DTNA: variants seen among roughly 807,000 people sequenced by gnomAD.
DTNA encodes dystrobrevin alpha.
Under a neutral mutation model 100.7 loss-of-function variants are expected in DTNA, and 43 were observed. The observed-to-expected ratio is 0.43, with a 90% CI of 0.33 to 0.55. The LOEUF (loss-of-function observed/expected upper bound fraction) is 0.55, where lower values mean the gene tolerates loss of function less well. DTNA is among the 20% of genes least tolerant of loss of function. The probability of loss-of-function intolerance (pLI) is 0.04; values close to 1 mark genes in which losing one functional copy is unlikely to be tolerated. For synonymous variants in DTNA, 349 were observed against 347.9 expected, an observed-to-expected ratio of 1.00 and a Z score of -0.04; for missense variants, 798 against 953.9, an observed-to-expected ratio of 0.84 and a Z score of 2.15.
At position 34,586,761 on chromosome 18, in the gene DTNA, C is replaced by T. The variant is rs935805081; in HGVS notation, c.-2+93247C>T. Among the ~76,000 whole-genome samples, 13 of 152,216 alleles carry T rather than the reference C, an allele frequency of 8.5e-5. 1 individual carries two copies. The highest frequency in any genetic ancestry group is 3.4e-3 in the Middle Eastern group (1 of 294). On this transcript the variant is annotated intron_variant, in intron 1 of 19. Coordinates refer to the DTNA transcript ENST00000283365. ...CCAAATTTTACCCTCACTTCTTAAGCAGTATCACATACAGTATATGCTGGC... is the reference window on the plus strand; with the variant it reads ...CCAAATTTTACCCTCACTTCTTAAGTAGTATCACATACAGTATATGCTGGC...
At chr18:34,529,585 C>T (rs184317445) in intron 1 of DTNA, among the ~76,000 whole-genome samples, 22 of 152,178 alleles carry the variant, frequency 1.4e-4, no homozygotes, top group Admixed American at 7.2e-4. Context: ...AGCAGAAGGC[C>T]GACTGCTACT....
intron 1 of DTNA, among the ~76,000 whole-genome samples, chr18:34,567,217 A>T (rs1179126874): frequency 6.6e-6 from 1 of 152,112 alleles, no homozygotes; most frequent in African/African-American, 2.4e-5. Context: ...GGCATTTTAG[A>T]TGTCTTTATT....
At chr18:34,728,970 G>A (rs563390033) in intron 1 of DTNA, among the ~76,000 whole-genome samples, 2 of 152,182 alleles carry the variant, frequency 1.3e-5, no homozygotes, top group African/African-American at 4.8e-5. Context: ...TCTGACACCC[G>A]GGGTCCCTTC....
chr18:34,802,917 C>A (rs1395242217), intron 4 of DTNA, among the ~76,000 whole-genome samples: 1 of 151,968 alleles, frequency 6.6e-6, no homozygotes, highest in East Asian at 1.9e-4. Context: ...TTTAAAGGCC[C>A]CCTCTTTAAA....
chr18:34,532,215 A>G (rs976184526), intron 1 of DTNA, among the ~76,000 whole-genome samples: 5 of 152,138 alleles, frequency 3.3e-5, no homozygotes, highest in African/African-American at 1.2e-4. Context: ...AAGATGACAT[A>G]AGTTAATTCT....
intron 1 of DTNA, among the ~76,000 whole-genome samples, chr18:34,543,582 G>A (rs2044466062): frequency 6.6e-6 from 1 of 152,126 alleles, no homozygotes; most frequent in African/African-American, 2.4e-5. Context: ...TGAGAATACT[G>A]CCTGTTGCCC....
At chr18:34,732,428 C>T (rs1460638376) in intron 1 of DTNA, among the ~76,000 whole-genome samples, 1 of 152,206 alleles carries the variant, frequency 6.6e-6, no homozygotes, top group East Asian at 1.9e-4. Flanking sequence ...TTTGCAGTCA[C>T]CTTCCTCTGC....
intron 13 of DTNA, among the ~76,000 whole-genome samples, chr18:34,846,666 A>T (rs1334637540): frequency 6.6e-6 from 1 of 151,738 alleles, no homozygotes; most frequent in Non-Finnish European, 1.5e-5. Flanking sequence ...AATGACCAGA[A>T]AAAAAAAACA....
chr18:34,889,727 A>T lies in DTNA; in HGVS notation c.*1993A>T. ...TTGGCATTAGTGAGAAGCCCATCCT[A>T]TCCCTTGACATACTTAATCATATAT... On this transcript the variant is annotated 3_prime_UTR_variant, in exon 23 of 23. Coordinates refer to ENST00000444659, the MANE Select transcript of DTNA (RefSeq NM_001386795.1). The T allele has an allele frequency of 1.0e-6, 1 of 986,018 alleles. No homozygotes were observed. The highest frequency in any genetic ancestry group is 1.1e-4 in the East Asian group (1 of 8,816). The allele number at this position is 986,018 out of a possible 1,614,324, so 61.1% of individuals were successfully genotyped here. A position where few individuals can be genotyped will look rare whatever the true frequency, so the allele number is the denominator to read the frequency against.
At chr18:34,851,967 T>C in intron 15 of DTNA, 39 bp downstream of exon 15, 1 of 1,595,004 alleles carries the variant, frequency 6.3e-7, no homozygotes, top group South Asian at 1.1e-5. Flanking sequence ...TTGATCAATG[T>C]GCGCATTCCT....
intron 1 of DTNA, among the ~76,000 whole-genome samples, chr18:34,495,710 T>C (rs1468784377): frequency 6.6e-6 from 1 of 152,226 alleles, no homozygotes; most frequent in Non-Finnish European, 1.5e-5. Flanking sequence ...GTATGTACTT[T>C]ATACAGAATT....
Position 34,765,545 on chromosome 18 carries a change from A to T in DTNA, c.68-416A>T, listed in dbSNP as rs574198702. Among the ~76,000 whole-genome samples, 3 of 152,350 alleles carry T rather than the reference A, an allele frequency of 2.0e-5. No homozygotes were observed. The South Asian group carries it at 6.2e-4, about 32-fold the overall frequency. ...AGGGCACACAGAGAAGATGCTCAGC[A>T]GTCAGTACATGGTCACCTAACAGCC... On this transcript the variant is annotated intron_variant, in intron 2 of 22. Transcript: ENST00000444659.
chr18:34,766,581 G>A (rs2093484491), intron 3 of DTNA, among the ~76,000 whole-genome samples: 1 of 152,092 alleles, frequency 6.6e-6, no homozygotes, highest in Non-Finnish European at 1.5e-5. Context: ...TAAATGACGA[G>A]TTAATGGGTG....
intron 1 of DTNA, among the ~76,000 whole-genome samples, chr18:34,677,055 G>C (rs529583294): frequency 6.6e-6 from 1 of 152,252 alleles, no homozygotes; most frequent in African/African-American, 2.4e-5. Context: ...TTGCCATGCA[G>C]GATAGAAGCC....
At chr18:34,746,405 G>A (rs1568390301) in intron 1 of DTNA, among the ~76,000 whole-genome samples, 1 of 152,082 alleles carries the variant, frequency 6.6e-6, no homozygotes, top group Admixed American at 6.6e-5. Flanking sequence ...ACAGCAGGAG[G>A]ACAAGAAAGC....
At chr18:34,621,932 A>G (rs2056578612) in intron 1 of DTNA, among the ~76,000 whole-genome samples, 2 of 152,314 alleles carry the variant, frequency 1.3e-5, no homozygotes, top group African/African-American at 4.8e-5. Context: ...TATACGATTT[A>G]TATTTGTCAA....
chr18:34,881,859 A>G (rs1409660125), intron 20 of DTNA, among the ~76,000 whole-genome samples: 1 of 152,058 alleles, frequency 6.6e-6, no homozygotes, highest in Non-Finnish European at 1.5e-5. Context: ...CCATAAAAAA[A>G]TTGTGTATGA....
intron 1 of DTNA, among the ~76,000 whole-genome samples, chr18:34,559,519 C>G (rs912598889): frequency 1.3e-5 from 2 of 152,174 alleles, no homozygotes; most frequent in Admixed American, 1.3e-4. Flanking sequence ...ATGTCTAATA[C>G]TACGAAGAGA....
chr18:34,658,902 T>C (rs10502626), intron 1 of DTNA, among the ~76,000 whole-genome samples: 9,995 of 152,308 alleles, frequency 0.066, 390 homozygotes, highest in Non-Finnish European at 0.075. Context: ...GCTAACACTC[T>C]TTCTCCACTG....
Sources: gnomAD v4.1 joint callset for allele counts (sites outside exome capture counted in the v4.1 genomes callset) on GRCh38, gnomAD v4.1.1 for gene constraint, MANE v1.5 for transcripts, NCBI Gene and HGNC (gene_info 2026-07-23, HGNC 2026-07-21) for gene names.